Variants in DNAH9 observed in about 807,000 individuals in gnomAD.
DNAH9 encodes DNAH9 variant protein.
Under a neutral mutation model 471.6 loss-of-function variants are expected in DNAH9, and 345 were observed. The ratio of observed to expected loss-of-function variants is 0.73; its 90% confidence interval spans 0.67 to 0.80. DNAH9 has a LOEUF of 0.80. DNAH9 is among the 30% of genes least tolerant of loss of function. The probability of loss-of-function intolerance (pLI) is 0.00; values close to 1 mark genes in which losing one functional copy is unlikely to be tolerated. For missense variants in DNAH9, 5,407 were observed against 5,609.2 expected (o/e 0.96, Z 1.15); for synonymous variants, 2,093 against 2,123.6 (o/e 0.99, Z 0.40).
intron 16 of DNAH9, 31 bp downstream of exon 16, chr17:11,669,291 A>G (rs1026821590): frequency 3.7e-6 from 6 of 1,602,098 alleles, no homozygotes; most frequent in Non-Finnish European, 5.1e-6. Flanking sequence ...CTGCCCTCCA[A>G]CTGTGTCCCG....
intron 26 of DNAH9, among the ~76,000 whole-genome samples, chr17:11,717,699 A>G (rs2074988444): frequency 6.6e-6 from 1 of 152,150 alleles, no homozygotes; most frequent in African/African-American, 2.4e-5. Context: ...GTACAACTGG[A>G]TGATTTTTAG....
chr17:11,852,633 C>G (rs78868639), intron 49 of DNAH9, among the ~76,000 whole-genome samples: 2,022 of 151,662 alleles, frequency 0.013, 43 homozygotes, highest in African/African-American at 0.046. Context: ...GAAACACATT[C>G]AAATATTTTT....
chr17:11,873,098 G>C (rs1219029802), intron 52 of DNAH9, among the ~76,000 whole-genome samples: 82 of 152,298 alleles, frequency 5.4e-4, no homozygotes, highest in Non-Finnish European at 1.3e-4. Flanking sequence ...CTGACAATTA[G>C]CTGAACCGTA....
chr17:11,721,293 T>C (rs1178797865), intron 27 of DNAH9, among the ~76,000 whole-genome samples: 1 of 152,138 alleles, frequency 6.6e-6, no homozygotes, highest in Admixed American at 6.5e-5. Context: ...TTTTTTGTTT[T>C]TGTTTTTGTT....
intron 49 of DNAH9, among the ~76,000 whole-genome samples, chr17:11,849,411 G>A (rs987564670): frequency 1.3e-5 from 2 of 152,184 alleles, no homozygotes; most frequent in African/African-American, 4.8e-5. Flanking sequence ...TGAAATTAGA[G>A]TAAAATCCAT....
chr17:11,943,049 C>T (rs1974992501), intron 67 of DNAH9, among the ~76,000 whole-genome samples: 1 of 151,954 alleles, frequency 6.6e-6, no homozygotes, highest in Admixed American at 6.5e-5. Context: ...GTGCCCGCCA[C>T]CACGCCGGCT....
At position 11,738,995 on chromosome 17, in the gene DNAH9, C is replaced by T; in HGVS notation, c.5930C>T (p.Ala1977Val). 1 of 1,614,086 alleles carries T rather than the reference C, an allele frequency of 6.2e-7. No homozygotes were observed. Among genetic ancestry groups the T allele is most frequent in the South Asian group, 1.1e-5 (1 of 91,072 alleles). Residue 1977 changes from alanine to valine, a missense_variant, in exon 29 of 69, where the codon GCT becomes GTT. Coordinates refer to ENST00000262442, the MANE Select transcript of DNAH9 (RefSeq NM_001372.4). The stretch of plus-strand genomic sequence containing the variant: ...TTCATCACCATGAACCCAGGCTATG[C>T]TGGCCGCACAGAGCTGCCAGAGAAT... The part of the protein sequence containing the change: ...GIFITMNPGY[A>V]GRTELPENLK...
chr17:11,962,027 C>A lies in DNAH9; in HGVS notation c.13004C>A (p.Thr4335Lys). The change falls in exon 68 of 69, where the codon ACG becomes AAG. Residue 4335 changes from threonine to lysine, a missense_variant. Thr to Lys is a moderately conservative substitution (Grantham distance 78). Around this residue, in one of 3 missense-constraint regions of DNAH9, gnomAD observed 4,636 missense variants for 4,900.3 expected, o/e 0.95. Transcript: ENST00000262442. This position sits in a 1 kb window ranked among gnomAD's most constrained non-coding sequence, Gnocchi z 4.1. The stretch of plus-strand genomic sequence containing the variant: ...AGAATCAAGGAGCTAGAGGCTTGGA[C>A]GGGTGACTTTACAATGCCCTCCACT... The part of the protein sequence containing the change: ...LNRIKELEAW[T>K]GDFTMPSTVW... 1 of 1,614,170 alleles carries A rather than the reference C, an allele frequency of 6.2e-7. No homozygotes were observed. Among genetic ancestry groups the A allele is most frequent in the Non-Finnish European group, 8.5e-7 (1 of 1,180,038 alleles).
intron 61 of DNAH9, among the ~76,000 whole-genome samples, chr17:11,912,349 G>A (rs1455059996): frequency 6.6e-6 from 1 of 152,066 alleles, no homozygotes; most frequent in Non-Finnish European, 1.5e-5. Context: ...TACACTGTTA[G>A]GTAGAAATAG....
intron 61 of DNAH9, among the ~76,000 whole-genome samples, chr17:11,923,358 G>A (rs1295007401): frequency 6.6e-6 from 1 of 151,428 alleles, no homozygotes; most frequent in Non-Finnish European, 1.5e-5. Flanking sequence ...GGGATTACAG[G>A]AGTGAGCCAG....
chr17:11,636,538 A>G (rs1475514496), intron 8 of DNAH9, 96 bp from the exon 9 acceptor site: 7 of 853,512 alleles, frequency 8.2e-6, no homozygotes, highest in Non-Finnish European at 1.3e-5. Context: ...TTACATTGGT[A>G]GGCATATAAA....
chr17:11,769,414 T>A, intron 38 of DNAH9, 85 bp downstream of exon 38: 1 of 1,257,268 alleles, frequency 8.0e-7, no homozygotes, highest in Non-Finnish European at 1.1e-6. Flanking sequence ...GTCAGGTGCC[T>A]GCCTGACTTG....
chr17:11,794,914 G>A (rs1322245586), intron 42 of DNAH9, among the ~76,000 whole-genome samples: 1 of 146,518 alleles, frequency 6.8e-6, no homozygotes, highest in African/African-American at 2.5e-5. Context: ...TCACACACAG[G>A]GGCCTGTTGT....
At chr17:11,692,524 A>G (rs1438536984) in intron 20 of DNAH9, among the ~76,000 whole-genome samples, 2 of 152,202 alleles carry the variant, frequency 1.3e-5, no homozygotes. Context: ...TTTTGGTTAT[A>G]TAAACTTTTG....
intron 43 of DNAH9, 88 bp downstream of exon 43, chr17:11,797,881 T>A: frequency 7.4e-7 from 1 of 1,351,288 alleles, no homozygotes; most frequent in Non-Finnish European, 1.0e-6. Context: ...GTCACTTCCG[T>A]AAAGCCAGGT....
intron 43 of DNAH9, among the ~76,000 whole-genome samples, chr17:11,799,512 C>T (rs1432815409): frequency 9.2e-5 from 14 of 151,970 alleles, no homozygotes; most frequent in Non-Finnish European, 2.1e-4. Flanking sequence ...GACCCCATCA[C>T]CCCAGTGCCA....
chr17:11,841,797 C>T (rs1209833567), intron 49 of DNAH9, among the ~76,000 whole-genome samples: 1 of 152,034 alleles, frequency 6.6e-6, no homozygotes, highest in South Asian at 2.1e-4. Context: ...GGTGGGTTTG[C>T]GTGACCCAGT....
In DNAH9 at chr17:11,626,760, A is replaced by G. The variant is rs2072977258; in HGVS notation, c.1351-2657A>G. Among the ~76,000 whole-genome samples the G allele has an allele frequency of 6.6e-6, 1 of 151,952 alleles. No homozygotes were observed. The highest frequency in any genetic ancestry group is 1.5e-5 in the Non-Finnish European group (1 of 67,994). ...TGGACATTGAAATGTCCTTCCTTATAATTCTCTTCTCTTGTCTATTTTTTT... is the reference window on the plus strand; with the variant it reads ...TGGACATTGAAATGTCCTTCCTTATGATTCTCTTCTCTTGTCTATTTTTTT... On this transcript the variant is annotated intron_variant, in intron 6 of 68. Coordinates refer to ENST00000262442, the MANE Select transcript of DNAH9 (RefSeq NM_001372.4). The surrounding 1 kb of genome is among the most constrained non-coding windows in gnomAD (Gnocchi z 4.3).
At chr17:11,771,595 G>A (rs564932838) in intron 38 of DNAH9, among the ~76,000 whole-genome samples, 2 of 152,250 alleles carry the variant, frequency 1.3e-5, no homozygotes, top group South Asian at 4.2e-4. Context: ...TCAGCACCTG[G>A]CAGTGGCCTT....
Sources: gnomAD v4.1 joint callset for allele counts (sites outside exome capture counted in the v4.1 genomes callset) on GRCh38, gnomAD v4.1.1 for gene constraint, gnomAD v4.1.1 regional missense constraint, Gnocchi (gnomAD v3.1) non-coding constraint, MANE v1.5 for transcripts, NCBI Gene and HGNC (gene_info 2026-07-23, HGNC 2026-07-21) for gene names.